RFC3: variants seen among roughly 807,000 people sequenced by gnomAD.
RFC3 encodes A1 38 kDa subunit.
RFC3 carries 41 observed loss-of-function variants against 45.1 expected under a neutral mutation model. That is an observed-to-expected ratio of 0.91 (90% CI 0.71 to 1.18). RFC3 has a LOEUF of 1.18. Among genes scored for constraint, RFC3 ranks in the 50% most tolerant of loss-of-function variants. The pLI is 0.00. For synonymous variants in RFC3, 149 were observed against 144.0 expected, an observed-to-expected ratio of 1.03 and a Z score of -0.25; for missense variants, 423 against 428.1, an observed-to-expected ratio of 0.99 and a Z score of 0.10.
At chr13:33,928,771 T>C (rs2082832574) in intron 8 of RFC3, among the ~76,000 whole-genome samples, 1 of 151,918 alleles carries the variant, frequency 6.6e-6, no homozygotes. Context: ...CGCCATTCAG[T>C]GAACTAGGCA....
chr13:33,882,209 G>A (rs1365504802), intron 8 of RFC3, among the ~76,000 whole-genome samples: 2 of 152,208 alleles, frequency 1.3e-5, no homozygotes, highest in Non-Finnish European at 2.9e-5. Flanking sequence ...AACTGGCACA[G>A]TATAATATAG....
At chr13:33,883,115 T>C (rs574287622) in intron 8 of RFC3, among the ~76,000 whole-genome samples, 2 of 152,350 alleles carry the variant, frequency 1.3e-5, no homozygotes, top group East Asian at 3.9e-4. Flanking sequence ...TTTTTGTTTC[T>C]CTAAAATAAA....
intron 8 of RFC3, among the ~76,000 whole-genome samples, chr13:33,953,318 G>C (rs1468239173): frequency 1.2e-5 from 1 of 80,356 alleles, no homozygotes; most frequent in Admixed American, 1.8e-4. Context: ...GTGTGGTGTT[G>C]CTCTTTAAAA....
chr13:33,822,048 A>G (rs1406882665), intron 2 of RFC3, among the ~76,000 whole-genome samples: 1 of 152,254 alleles, frequency 6.6e-6, no homozygotes, highest in East Asian at 1.9e-4. Context: ...AAAAAATCAT[A>G]TGCTGAGTGT....
intron 8 of RFC3, among the ~76,000 whole-genome samples, chr13:33,897,673 T>A (rs1051497958): frequency 6.6e-6 from 1 of 151,818 alleles, no homozygotes; most frequent in African/African-American, 2.4e-5. Context: ...TTCAAAAAAG[T>A]CACTTCATCT....
intron 8 of RFC3, among the ~76,000 whole-genome samples, chr13:33,892,167 G>GA (rs1211678926): frequency 8.5e-5 from 13 of 152,124 alleles, no homozygotes; most frequent in African/African-American, 3.1e-4. Context: ...AGATAGCTGA[G>GA]ACATCTGAAA....
At chr13:33,892,289 TC>T (rs1166139477) in intron 8 of RFC3, among the ~76,000 whole-genome samples, 1 of 152,020 alleles carries the variant, frequency 6.6e-6, no homozygotes, top group East Asian at 1.9e-4. Context: ...AGAGAGAACA[TC>T]AAAGGCAGAG....
chr13:33,914,239 C>A (rs1024679302), intron 8 of RFC3, among the ~76,000 whole-genome samples: 3 of 152,082 alleles, frequency 2.0e-5, no homozygotes, highest in Non-Finnish European at 2.9e-5. Flanking sequence ...AAAAATGGAA[C>A]CACTCATTGT....
At chr13:33,930,140 C>A (rs758895271) in intron 8 of RFC3, among the ~76,000 whole-genome samples, 3 of 151,992 alleles carry the variant, frequency 2.0e-5, no homozygotes, top group African/African-American at 4.8e-5. Flanking sequence ...TATTAGGGTT[C>A]TCTAGAGGAA....
chr13:33,901,083 G>A (rs186530112), intron 8 of RFC3, among the ~76,000 whole-genome samples: 11 of 151,962 alleles, frequency 7.2e-5, no homozygotes, highest in East Asian at 5.8e-4. Flanking sequence ...CCCCTTATAC[G>A]CTGCCGGTGG....
intron 8 of RFC3, among the ~76,000 whole-genome samples, chr13:33,894,634 A>G (rs1350097245): frequency 1.3e-5 from 2 of 152,164 alleles, no homozygotes; most frequent in African/African-American, 4.8e-5. Context: ...AGGAAGGCTT[A>G]TGGCCTGGGG....
At chr13:33,827,855 G>A (rs2139398336) in intron 4 of RFC3, among the ~76,000 whole-genome samples, 1 of 152,282 alleles carries the variant, frequency 6.6e-6, no homozygotes, top group East Asian at 1.9e-4. Context: ...ACTTAGGGAA[G>A]GAGAGGAAGG....
rs1479778048 is a variant in RFC3, at chr13:33,821,023, G to A, written c.88-109G>A. On this transcript the variant is annotated intron_variant, in intron 1 of 8. Transcript: ENST00000380071. ...ATTGGGTGTATCTACTCATGAACTG[G>A]GAGTTTCATGGGTAGACACATAAAA... is the stretch of plus-strand genomic sequence containing the variant. 6 of 1,077,288 alleles carry A rather than the reference G, an allele frequency of 5.6e-6. No homozygotes were observed. The African/African-American group carries it at 7.9e-5, about 14-fold the overall frequency. 66.7% of individuals were successfully genotyped at this position (1,077,288 alleles called of 1,614,324 possible).
intron 8 of RFC3, among the ~76,000 whole-genome samples, chr13:33,871,760 A>G (rs974099468): frequency 6.6e-6 from 1 of 152,198 alleles, no homozygotes; most frequent in African/African-American, 2.4e-5. Flanking sequence ...AGTAACATTT[A>G]TGTAACATTG....
intron 8 of RFC3, among the ~76,000 whole-genome samples, chr13:33,923,095 G>A (rs1372952706): frequency 1.3e-5 from 2 of 152,032 alleles, no homozygotes; most frequent in South Asian, 2.1e-4. Flanking sequence ...AATCAAAAAA[G>A]CCCCCGCTCT....
At chr13:33,862,370 G>C (rs146813366) in intron 8 of RFC3, among the ~76,000 whole-genome samples, 3 of 150,470 alleles carry the variant, frequency 2.0e-5, no homozygotes, top group African/African-American at 4.9e-5. Context: ...ATATTTAACA[G>C]TTATTTTTGA....
intron 8 of RFC3, among the ~76,000 whole-genome samples, chr13:33,954,585 A>G (rs1403718767): frequency 1.3e-5 from 2 of 152,204 alleles, no homozygotes; most frequent in Non-Finnish European, 2.9e-5. Context: ...GGTAGTTTAA[A>G]CAACAAACAT....
intron 8 of RFC3, among the ~76,000 whole-genome samples, chr13:33,884,719 G>T (rs769096013): frequency 3.9e-5 from 6 of 152,148 alleles, no homozygotes; most frequent in Non-Finnish European, 8.8e-5. Flanking sequence ...CAAATGGTCC[G>T]TGCAGTCTCT....
chr13:33,933,757 T>C (rs9563937), intron 8 of RFC3, among the ~76,000 whole-genome samples: 10,799 of 151,824 alleles, frequency 0.071, 617 homozygotes, highest in African/African-American at 0.16. Flanking sequence ...AAAAGGAAAA[T>C]AATTTGTTTG....
Sources: allele counts gnomAD v4.1 joint callset (sites outside exome capture counted in the v4.1 genomes callset), GRCh38; gene constraint gnomAD v4.1.1; transcripts MANE v1.5; gene names NCBI Gene and HGNC (gene_info 2026-07-23, HGNC 2026-07-21).